The following PALLD variants were observed in gnomAD, a reference collection of about 807,000 sequenced individuals.
The protein encoded by PALLD is palladin.
A neutral mutation model predicts 123.5 loss-of-function variants in PALLD; 61 were observed. The ratio of observed to expected loss-of-function variants is 0.49; its 90% CI spans 0.40 to 0.61. The LOEUF (loss-of-function observed/expected upper bound fraction) is 0.61. Ranked by LOEUF, PALLD falls within the 20% of genes least tolerant of loss-of-function variation. The probability of loss-of-function intolerance (pLI) is 0.00; values close to 1 mark genes in which losing one functional copy is unlikely to be tolerated. For synonymous variants in PALLD, 465 were observed against 496.4 expected, an observed-to-expected ratio of 0.94 and a Z score of 0.84; for missense variants, 1,273 against 1,377.0, an observed-to-expected ratio of 0.92 and a Z score of 1.20.
chr4:168,641,174 C>T, intron 2 of PALLD, among the ~76,000 whole-genome samples: 1 of 150,278 alleles, frequency 6.7e-6, no homozygotes, highest in African/African-American at 2.5e-5. Context: ...CACCACGGCA[C>T]TCCAGCCTGG....
At chr4:168,803,583 G>A (rs1340747484) in intron 10 of PALLD, among the ~76,000 whole-genome samples, 4 of 151,928 alleles carry the variant, frequency 2.6e-5, no homozygotes, top group African/African-American at 9.7e-5. Context: ...CTACTTGGGA[G>A]GCTGACATGG....
At chr4:168,863,570 A>G (rs763923890) in intron 10 of PALLD, among the ~76,000 whole-genome samples, 1 of 152,140 alleles carries the variant, frequency 6.6e-6, no homozygotes, top group Non-Finnish European at 1.5e-5. Context: ...GTCAGTGTCT[A>G]GTGTTCCACT....
intron 2 of PALLD, among the ~76,000 whole-genome samples, chr4:168,532,511 T>C (rs1764698763): frequency 7.5e-6 from 1 of 134,200 alleles, no homozygotes; most frequent in Non-Finnish European, 1.6e-5. Context: ...AGAGAAGATT[T>C]TTAAATCCCA....
chr4:168,868,247 C>A (rs541924499), intron 10 of PALLD, among the ~76,000 whole-genome samples: 20 of 152,124 alleles, frequency 1.3e-4, no homozygotes, highest in Non-Finnish European at 2.9e-4. Flanking sequence ...GGATCACATG[C>A]TCACCCTGCA....
chr4:168,682,661 A>G (rs1336668652), intron 4 of PALLD, among the ~76,000 whole-genome samples: 1 of 152,170 alleles, frequency 6.6e-6, no homozygotes, highest in East Asian at 1.9e-4. Context: ...ATTTTTTCCA[A>G]ATATTTTCTC....
intron 10 of PALLD, among the ~76,000 whole-genome samples, chr4:168,858,985 T>C (rs1346279506): frequency 6.6e-6 from 1 of 152,208 alleles, no homozygotes; most frequent in African/African-American, 2.4e-5. Context: ...TAGACTATCA[T>C]TTTTGTACTT....
chr4:168,817,036 A>G (rs1742071991), intron 10 of PALLD, among the ~76,000 whole-genome samples: 1 of 152,142 alleles, frequency 6.6e-6, no homozygotes, highest in African/African-American at 2.4e-5. Context: ...AATTGCGGAG[A>G]GTAAAAATAG....
At chr4:168,649,571 T>C (rs1323868963) in intron 2 of PALLD, among the ~76,000 whole-genome samples, 3 of 152,204 alleles carry the variant, frequency 2.0e-5, no homozygotes, top group East Asian at 3.9e-4. Flanking sequence ...TCTTTTTCCT[T>C]AGCTTTGGAA....
At chr4:168,599,206 T>G (rs1580503366) in intron 2 of PALLD, among the ~76,000 whole-genome samples, 1 of 152,234 alleles carries the variant, frequency 6.6e-6, no homozygotes, top group East Asian at 1.9e-4. Flanking sequence ...TTACTTTTGC[T>G]AATTTTACAA....
At chr4:168,747,745 G>A (rs947792806) in intron 10 of PALLD, among the ~76,000 whole-genome samples, 5 of 152,138 alleles carry the variant, frequency 3.3e-5, no homozygotes, top group East Asian at 1.9e-4. Flanking sequence ...CAACCAAAAC[G>A]TTAGCTTTGC....
At chr4:168,517,885 G>A (rs910917098) in intron 2 of PALLD, among the ~76,000 whole-genome samples, 1 of 152,138 alleles carries the variant, frequency 6.6e-6, no homozygotes, top group African/African-American at 2.4e-5. Flanking sequence ...AACATGAAAT[G>A]TAAATAGGTA....
intron 2 of PALLD, among the ~76,000 whole-genome samples, chr4:168,547,795 A>C (rs1766300756): frequency 6.6e-6 from 1 of 151,856 alleles, no homozygotes; most frequent in Admixed American, 6.6e-5. Flanking sequence ...AAAATACAAA[A>C]ATTAGCTGGG....
Position 168,921,747 on chromosome 4 carries a change from C to T in PALLD, c.3058+6C>T. The T allele has an allele frequency of 6.2e-7, 1 of 1,606,206 alleles. No individual in the cohort carries two copies. Among genetic ancestry groups the T allele is most frequent in the Non-Finnish European group, 8.5e-7 (1 of 1,174,884 alleles). On this transcript the variant is annotated splice_donor_region_variant and intron_variant, in intron 18 of 21. Transcript: ENST00000505667. ...CCTGGAGCTTGTGGTTGCTGGTAGG[C>T]TCATCTGTGAATCCTTGCTCTCTGA... is the stretch of plus-strand genomic sequence containing the variant.
chr4:168,878,576 C>T (rs1197974196), intron 10 of PALLD, among the ~76,000 whole-genome samples: 3 of 151,926 alleles, frequency 2.0e-5, no homozygotes, highest in African/African-American at 7.3e-5. Flanking sequence ...GTGATTCTTG[C>T]GTAGCCACTT....
chr4:168,785,118 A>C lies in PALLD; in HGVS notation c.1964+73195A>C, dbSNP rs143012691. ...GAAAGGGTTGTTACAAGGGAAATAC[A>C]ATGGGGCCCTGGCTGTGTTTCATTA... is the stretch of plus-strand genomic sequence containing the variant. On this transcript the variant is annotated intron_variant, in intron 10 of 21. Coordinates refer to ENST00000505667, the MANE Select transcript of PALLD (RefSeq NM_001166108.2). Among the ~76,000 whole-genome samples, 360 of 132,568 alleles carry C rather than the reference A, an allele frequency of 2.7e-3. 1 individual carries two copies. The highest frequency in any genetic ancestry group is 2.5e-3 in the Non-Finnish European group (163 of 64,880). 87.0% of individuals were successfully genotyped at this position (132,568 alleles called of 152,430 possible). A position where few individuals can be genotyped will look rare whatever the true frequency, so the allele number is the denominator to read the frequency against.
intron 10 of PALLD, among the ~76,000 whole-genome samples, chr4:168,719,100 G>T (rs1303263605): frequency 6.6e-6 from 1 of 151,278 alleles, no homozygotes; most frequent in Admixed American, 6.6e-5. Context: ...TAGAGACGGG[G>T]TTTCACCATG....
intron 10 of PALLD, among the ~76,000 whole-genome samples, chr4:168,784,362 A>G (rs977568426): frequency 6.6e-6 from 1 of 152,096 alleles, no homozygotes; most frequent in African/African-American, 2.4e-5. Flanking sequence ...AAAGAAAAGA[A>G]AAGAAAAGAG....
chr4:168,764,788 T>A (rs1228109720), intron 10 of PALLD, among the ~76,000 whole-genome samples: 2 of 152,156 alleles, frequency 1.3e-5, no homozygotes, highest in Non-Finnish European at 2.9e-5. Flanking sequence ...AAGCAAGTTT[T>A]CCTTTCTCTC....
intron 10 of PALLD, among the ~76,000 whole-genome samples, chr4:168,882,730 G>A (rs550047617): frequency 5.1e-4 from 78 of 152,228 alleles, no homozygotes; most frequent in Admixed American, 3.6e-3. Context: ...CAAATTAGTA[G>A]GCAAGGCCTC....
Sources: gnomAD v4.1 joint callset for allele counts (sites outside exome capture counted in the v4.1 genomes callset) on GRCh38, gnomAD v4.1.1 for gene constraint, MANE v1.5 for transcripts, NCBI Gene and HGNC (gene_info 2026-07-23, HGNC 2026-07-21) for gene names.